The following PPFIBP2 variants were observed in gnomAD, a reference collection of about 807,000 sequenced individuals.
PPFIBP2 encodes PPFIB scaffold protein 2.
In PPFIBP2, 118 loss-of-function variants were observed where a neutral mutation model predicts 118.3. The ratio of observed to expected loss-of-function variants is 1.00; its 90% CI spans 0.86 to 1.16. PPFIBP2 has a LOEUF of 1.16. Among genes scored for constraint, PPFIBP2 ranks in the 50% most tolerant of loss-of-function variants. PPFIBP2 has a pLI of 0.00. For synonymous variants in PPFIBP2, 414 were observed against 397.4 expected (o/e 1.04, Z -0.50); for missense variants, 1,195 against 1,073.1 (o/e 1.11, Z -1.59).
intron 3 of PPFIBP2, among the ~76,000 whole-genome samples, chr11:7,588,269 C>T (rs574005448): frequency 6.6e-6 from 1 of 152,158 alleles, no homozygotes; most frequent in South Asian, 2.1e-4. Flanking sequence ...TATGTGGGGA[C>T]TTAACTATCC....
chr11:7,547,079 G>A (rs553302972), intron 1 of PPFIBP2, among the ~76,000 whole-genome samples: 1 of 152,228 alleles, frequency 6.6e-6, no homozygotes, highest in Non-Finnish European at 1.5e-5. Flanking sequence ...TGCCTCTGTG[G>A]GAAGGTGGCC....
chr11:7,575,448 T>G (rs1314518650), intron 3 of PPFIBP2, among the ~76,000 whole-genome samples: 1 of 152,166 alleles, frequency 6.6e-6, no homozygotes, highest in Non-Finnish European at 1.5e-5. Context: ...CTCTTTTCTC[T>G]TTTCTCCTCT....
chr11:7,648,854 G>A lies in PPFIBP2; in HGVS notation c.1852G>A (p.Ala618Thr), dbSNP rs538359024. The A allele has an allele frequency of 3.0e-5, 49 of 1,614,172 alleles. No individual in the cohort carries two copies. The South Asian group carries it at 4.6e-4, about 15-fold the overall frequency. Residue 618 changes from alanine to threonine, a missense_variant, in exon 19 of 24, where the codon GCC (alanine) becomes ACC (threonine). Transcript: ENST00000299492. Reference sequence around the variant, plus strand: ...GAAGAAGCTTGTTTTAGCAGTGAAAGCCATCAACACCAAACAGGAGGAGAA... The same window carrying A: ...GAAGAAGCTTGTTTTAGCAGTGAAAACCATCAACACCAAACAGGAGGAGAA... ...HRKKLVLAVKAINTKQEEKSA... is the reference protein window; with the variant it reads ...HRKKLVLAVKTINTKQEEKSA...
chr11:7,618,010 A>G lies in PPFIBP2; in HGVS notation c.619-2925A>G, dbSNP rs191825275. On this transcript the variant is annotated intron_variant, in intron 6 of 23. Coordinates refer to ENST00000299492, the MANE Select transcript of PPFIBP2 (RefSeq NM_003621.5). The stretch of plus-strand genomic sequence containing the variant: ...ATGCCTCGAAGGAGGCCTCCTGTTG[A>G]AGAGGACTTGGAAGCCCCCCAAGAA... Among the ~76,000 whole-genome samples, 790 of 152,302 alleles carry G rather than the reference A, an allele frequency of 5.2e-3. 1 individual carries two copies. The highest frequency in any genetic ancestry group is 0.011 in the Admixed American group (167 of 15,308).
intron 1 of PPFIBP2, among the ~76,000 whole-genome samples, chr11:7,514,947 G>A (rs948578006): frequency 9.2e-5 from 14 of 152,034 alleles, no homozygotes; most frequent in Non-Finnish European, 2.1e-4. Flanking sequence ...CTTTCTCTTC[G>A]TCTCTCTCCT....
chr11:7,611,083 A>G (rs1848019379), intron 6 of PPFIBP2, among the ~76,000 whole-genome samples: 1 of 152,160 alleles, frequency 6.6e-6, no homozygotes, highest in Non-Finnish European at 1.5e-5. Flanking sequence ...CTCTACCTTT[A>G]AGTTCTTCTT....
chr11:7,518,341 GAA>G (rs1360911339), intron 1 of PPFIBP2, among the ~76,000 whole-genome samples: 3 of 152,158 alleles, frequency 2.0e-5, no homozygotes, highest in Non-Finnish European at 2.9e-5. Context: ...ACATGAGAGA[GAA>G]AAAGGGCTGG....
chr11:7,611,949 A>G (rs1018990334), intron 6 of PPFIBP2, among the ~76,000 whole-genome samples: 4 of 152,206 alleles, frequency 2.6e-5, no homozygotes, highest in African/African-American at 7.2e-5. Flanking sequence ...TATTTTACCA[A>G]TGTTTCAACC....
At chr11:7,579,998 G>T (rs1345260947) in intron 3 of PPFIBP2, among the ~76,000 whole-genome samples, 1 of 151,246 alleles carries the variant, frequency 6.6e-6, no homozygotes. Flanking sequence ...TGTGACCCCA[G>T]TGATGAGCCC....
At chr11:7,648,139 C>T (rs1853392342) in intron 17 of PPFIBP2, 2 of 441,198 alleles carry the variant, frequency 4.5e-6, no homozygotes, top group African/African-American at 2.0e-5. Flanking sequence ...ACAGGCTGCC[C>T]CATTCTCTAA....
intron 6 of PPFIBP2, chr11:7,617,164 T>C (rs983837575): frequency 3.0e-6 from 3 of 985,188 alleles, no homozygotes; most frequent in Non-Finnish European, 3.6e-6. Context: ...AGGCTGCAGC[T>C]GGACATCCAC....
the PPFIBP2 span, chr11:7,666,295 A>T: frequency 4.9e-6 from 3 of 613,670 alleles, no homozygotes; most frequent in East Asian, 8.3e-5. Flanking sequence ...TTTCTCCCTC[A>T]ATTTCTCACA....
At chr11:7,604,287 A>G (rs1402245866) in intron 5 of PPFIBP2, among the ~76,000 whole-genome samples, 1 of 152,206 alleles carries the variant, frequency 6.6e-6, no homozygotes, top group Admixed American at 6.5e-5. Flanking sequence ...AGGGCGAGAC[A>G]GTTAAGATCT....
the PPFIBP2 span, chr11:7,666,993 T>C: frequency 2.0e-5 from 3 of 153,148 alleles, no homozygotes; most frequent in Non-Finnish European, 2.9e-5. Flanking sequence ...GCACTGGATA[T>C]GTGAAGGAGA....
At chr11:7,548,068 G>A (rs1852526117) in intron 1 of PPFIBP2, among the ~76,000 whole-genome samples, 3 of 152,120 alleles carry the variant, frequency 2.0e-5, no homozygotes, top group African/African-American at 7.2e-5. Flanking sequence ...TGTGCTTAGT[G>A]CTCTCTACAT....
At chr11:7,558,758 A>C (rs930198724) in intron 2 of PPFIBP2, among the ~76,000 whole-genome samples, 7 of 152,096 alleles carry the variant, frequency 4.6e-5, no homozygotes, top group Non-Finnish European at 8.8e-5. Flanking sequence ...TGTCTCAAAA[A>C]AAAAAAAAGA....
At chr11:7,536,057 AT>A in intron 1 of PPFIBP2, among the ~76,000 whole-genome samples, 1 of 152,200 alleles carries the variant, frequency 6.6e-6, no homozygotes, top group African/African-American at 2.4e-5. Flanking sequence ...CTCTGTTAAC[AT>A]TTAACCTTCA....
In PPFIBP2 at chr11:7,600,825, G is replaced by C. The variant is rs116559342; in HGVS notation, c.486+3152G>C. Among the ~76,000 whole-genome samples the C allele has an allele frequency of 2.4e-3, 364 of 152,308 alleles. 2 individuals are homozygous for C. Among genetic ancestry groups the C allele is most frequent in the African/African-American group, 8.3e-3 (345 of 41,556 alleles). Reference sequence around the variant, plus strand: ...CTAGATATTCTCATTTTTCACAAGAGACTCAAAATCCAGATCTAAAGAGTT... The same window carrying C: ...CTAGATATTCTCATTTTTCACAAGACACTCAAAATCCAGATCTAAAGAGTT... On this transcript the variant is annotated intron_variant, in intron 5 of 23. Coordinates refer to ENST00000299492, the MANE Select transcript of PPFIBP2 (RefSeq NM_003621.5).
At chr11:7,590,835 A>C (rs994389991) in intron 3 of PPFIBP2, among the ~76,000 whole-genome samples, 3 of 152,248 alleles carry the variant, frequency 2.0e-5, no homozygotes, top group Non-Finnish European at 4.4e-5. Flanking sequence ...GGCTCTGTTT[A>C]CTATAAGGGT....
Sources: gnomAD v4.1 joint callset for allele counts (sites outside exome capture counted in the v4.1 genomes callset) on GRCh38, gnomAD v4.1.1 for gene constraint, MANE v1.5 for transcripts, NCBI Gene and HGNC (gene_info 2026-07-23, HGNC 2026-07-21) for gene names.